Variants in RGS6 observed in about 807,000 individuals in gnomAD.
RGS6 encodes regulator of G protein signaling 6, also known as regulator of G-protein signaling 6.
Under a neutral mutation model 78.5 loss-of-function variants are expected in RGS6, and 30 were observed. The ratio of observed to expected loss-of-function variants is 0.38; its 90% CI spans 0.29 to 0.52. The LOEUF (loss-of-function observed/expected upper bound fraction) is 0.52. Ranked by LOEUF, RGS6 falls within the 20% of genes least tolerant of loss-of-function variation. The probability of loss-of-function intolerance (pLI) is 0.85; values close to 1 mark genes in which losing one functional copy is unlikely to be tolerated. For synonymous variants in RGS6, 206 were observed against 206.0 expected (o/e 1.00, Z 0.00); for missense variants, 495 against 609.7 (o/e 0.81, Z 1.98).
At chr14:72,253,040 C>G (rs1272809991) in intron 2 of RGS6, among the ~76,000 whole-genome samples, 1 of 152,226 alleles carries the variant, frequency 6.6e-6, no homozygotes, top group Non-Finnish European at 1.5e-5. Flanking sequence ...AGCATTTGCA[C>G]AAAGTCAGTG....
At position 72,137,564 on chromosome 14, in the gene RGS6, T is replaced by C. The variant is rs1199490014; in HGVS notation, c.84+172689T>C. On this transcript the variant is annotated intron_variant, in intron 2 of 17. Transcript: ENST00000553525. Reference sequence around the variant, plus strand: ...GGGTTCCCCCAGGCCCTTTGTCATGTTTGATTAATTTGCTAGAGTGGCTCA... The same window carrying C: ...GGGTTCCCCCAGGCCCTTTGTCATGCTTGATTAATTTGCTAGAGTGGCTCA... Among the ~76,000 whole-genome samples the C allele has an allele frequency of 3.3e-5, 5 of 152,238 alleles. No homozygotes were observed. In the East Asian group the frequency reaches 9.6e-4, roughly 29 times the overall value.
the RGS6 span, among the ~76,000 whole-genome samples, chr14:72,577,003 C>A: frequency 1.3e-5 from 2 of 152,202 alleles, no homozygotes; most frequent in Non-Finnish European, 2.9e-5. Flanking sequence ...TCAGTGCAAT[C>A]TGTATAGTGA....
chr14:71,899,289 G>A, the RGS6 span, among the ~76,000 whole-genome samples: 1 of 152,164 alleles, frequency 6.6e-6, no homozygotes, highest in Non-Finnish European at 1.5e-5. Context: ...CCTTTGCCAC[G>A]AAAATTCTTC....
the RGS6 span, among the ~76,000 whole-genome samples, chr14:71,868,811 C>T: frequency 7.9e-5 from 12 of 152,100 alleles, no homozygotes; most frequent in Non-Finnish European, 1.5e-4. Context: ...ACCCCCTCCC[C>T]GGGGCATTCC....
At chr14:72,145,881 C>A (rs1414641197) in intron 2 of RGS6, among the ~76,000 whole-genome samples, 4 of 152,134 alleles carry the variant, frequency 2.6e-5, no homozygotes, top group African/African-American at 9.7e-5. Context: ...GGATAAAGGG[C>A]TCCCCTGTGG....
intron 2 of RGS6, among the ~76,000 whole-genome samples, chr14:72,182,539 A>G (rs1434764870): frequency 6.6e-6 from 1 of 152,176 alleles, no homozygotes; most frequent in African/African-American, 2.4e-5. Flanking sequence ...AGTGCAACCC[A>G]ATAGCACCAT....
intron 2 of RGS6, among the ~76,000 whole-genome samples, chr14:72,163,276 A>G (rs2096878014): frequency 6.6e-6 from 1 of 152,262 alleles, no homozygotes; most frequent in Non-Finnish European, 1.5e-5. Context: ...CCTTTCTGGG[A>G]AATTAAAACT....
At chr14:72,137,043 C>A (rs1385323587) in intron 2 of RGS6, among the ~76,000 whole-genome samples, 3 of 152,134 alleles carry the variant, frequency 2.0e-5, no homozygotes, top group Non-Finnish European at 4.4e-5. Flanking sequence ...CAATCCTATA[C>A]ATTTTTAAAC....
chr14:72,611,493 C>A, the RGS6 span, among the ~76,000 whole-genome samples: 1 of 152,062 alleles, frequency 6.6e-6, no homozygotes, highest in African/African-American at 2.4e-5. Context: ...GGAGTGTGCC[C>A]AATCTGTACT....
At chr14:72,265,951 G>A (rs1231053636) in intron 2 of RGS6, among the ~76,000 whole-genome samples, 4 of 134,998 alleles carry the variant, frequency 3.0e-5, no homozygotes, top group Admixed American at 7.9e-5. Flanking sequence ...GGGGGGGGGC[G>A]GGAGGCAGGT....
intron 15 of RGS6, among the ~76,000 whole-genome samples, chr14:72,519,541 T>A (rs1332310466): frequency 6.6e-6 from 1 of 152,174 alleles, no homozygotes; most frequent in Non-Finnish European, 1.5e-5. Flanking sequence ...AGAATTACCT[T>A]GTCATTTGCT....
chr14:71,973,543 G>GT lies in RGS6; in HGVS notation c.84+8668_84+8669insT, dbSNP rs1441676963. ...CTACTAAAAATACAAAAATTGGCCA[G>GT]GCATGGTGGCACACGCCTGTAATCC... On this transcript the variant is annotated intron_variant, in intron 2 of 17. Transcript: ENST00000553525. Among the ~76,000 whole-genome samples the GT allele has an allele frequency of 2.6e-5, 4 of 152,186 alleles. No homozygotes were observed. In the East Asian group the frequency reaches 7.7e-4, roughly 29 times the overall value.
the RGS6 span, among the ~76,000 whole-genome samples, chr14:71,888,721 G>A: frequency 6.6e-6 from 1 of 152,216 alleles, no homozygotes; most frequent in East Asian, 1.9e-4. Flanking sequence ...CTCATTACAG[G>A]CACATACAGA....
chr14:72,079,579 A>T (rs568730475), intron 2 of RGS6, among the ~76,000 whole-genome samples: 1 of 152,260 alleles, frequency 6.6e-6, no homozygotes, highest in South Asian at 2.1e-4. Context: ...CCCACCCAGC[A>T]ACTTTCAAAT....
Position 72,250,410 on chromosome 14 carries a change from A to AAAAAAC in RGS6, c.85-101682_85-101681insAACAAA, listed in dbSNP as rs1029412620. On this transcript the variant is annotated intron_variant, in intron 2 of 17. Transcript: ENST00000553525. ...CATGTAAATACACCGAAAAAAAAAA[A>AAAAAAC]AAACCCCAAGGGATGTAAAAACATT... Among the ~76,000 whole-genome samples the AAAAAAC allele has an allele frequency of 9.2e-5, 14 of 151,502 alleles. No individual in the cohort carries two copies. The South Asian group carries it at 1.2e-3, about 13-fold the overall frequency.
At chr14:72,469,849 G>A (rs1485379532) in intron 7 of RGS6, 158 bp from the exon 8 acceptor site, 18 of 617,398 alleles carry the variant, frequency 2.9e-5, no homozygotes, top group African/African-American at 1.1e-4. Flanking sequence ...AGGGTCTGGC[G>A]CAAAGTCAAA....
At chr14:72,240,378 G>C (rs192234918) in intron 2 of RGS6, among the ~76,000 whole-genome samples, 1 of 152,272 alleles carries the variant, frequency 6.6e-6, no homozygotes, top group Non-Finnish European at 1.5e-5. Flanking sequence ...CTCTGATTAT[G>C]CCTCTTGGCT....
intron 3 of RGS6, among the ~76,000 whole-genome samples, chr14:72,375,805 T>C (rs950720402): frequency 6.6e-6 from 1 of 152,192 alleles, no homozygotes; most frequent in Non-Finnish European, 1.5e-5. Flanking sequence ...CTACTGTGTC[T>C]ACCCAGAAGC....
At chr14:72,020,361 C>T (rs2088138917) in intron 2 of RGS6, among the ~76,000 whole-genome samples, 2 of 152,086 alleles carry the variant, frequency 1.3e-5, no homozygotes, top group South Asian at 4.1e-4. Context: ...TCAGAAAATA[C>T]CCATTCTTTG....
Sources: allele counts gnomAD v4.1 joint callset (sites outside exome capture counted in the v4.1 genomes callset), GRCh38; gene constraint gnomAD v4.1.1; transcripts MANE v1.5; gene names NCBI Gene and HGNC (gene_info 2026-07-23, HGNC 2026-07-21).